The following SYCE1 variants were observed in gnomAD, a reference collection of about 807,000 sequenced individuals.
SYCE1 encodes cancer/testis antigen 76.
Under a neutral mutation model 55.1 loss-of-function variants are expected in SYCE1, and 37 were observed. The observed-to-expected ratio is 0.67, with a 90% CI of 0.52 to 0.88. The LOEUF (loss-of-function observed/expected upper bound fraction) is 0.88. Ranked by LOEUF, SYCE1 falls within the 40% of genes least tolerant of loss-of-function variation. SYCE1 has a pLI of 0.00. For synonymous variants in SYCE1, 163 were observed against 159.4 expected, an observed-to-expected ratio of 1.02 and a Z score of -0.17; for missense variants, 399 against 416.4, an observed-to-expected ratio of 0.96 and a Z score of 0.36.
chr10:133,565,816 A>AG (rs531882311), upstream of SYCE1, among the ~76,000 whole-genome samples: 248 of 152,342 alleles, frequency 1.6e-3, 2 homozygotes, highest in African/African-American at 5.6e-3. Flanking sequence ...CTGGCTTCCG[A>AG]GGGGACCGGC....
chr10:133,559,475 A>G (rs1851769193), intron 2 of SYCE1, 115 bp from the exon 3 acceptor site: 2 of 1,071,332 alleles, frequency 1.9e-6, no homozygotes, highest in Non-Finnish European at 2.8e-6. Context: ...TCCTGCAAGC[A>G]GGTGCTCTGT....
intron 1 of SYCE1, 51 bp downstream of exon 1, chr10:133,565,406 G>T: frequency 6.9e-7 from 1 of 1,459,588 alleles, no homozygotes; most frequent in Non-Finnish European, 9.1e-7. Context: ...ACCCTGCCCC[G>T]CCTCGGCGAG....
upstream of SYCE1, among the ~76,000 whole-genome samples, chr10:133,565,831 G>C (rs753680922): frequency 2.0e-5 from 3 of 152,368 alleles, no homozygotes; most frequent in Middle Eastern, 3.4e-3. Flanking sequence ...ACCGGCCCTG[G>C]TTCTGGAGGC....
Position 133,554,907 on chromosome 10 carries a change from AG to A in SYCE1, c.*84del, listed in dbSNP as rs1851614756. On this transcript the variant is annotated 3_prime_UTR_variant, in exon 13 of 13. Coordinates refer to ENST00000343131, the MANE Select transcript of SYCE1 (RefSeq NM_001143764.3). ...GTACCTCTGGCCCAGACCAAGAGGC[AG>A]AGTCAAGCCAAGGCTTCAATCAGTC... The A allele has an allele frequency of 2.0e-5, 30 of 1,466,792 alleles. No homozygotes were observed. The highest frequency in any genetic ancestry group is 2.7e-5 in the Non-Finnish European group (30 of 1,108,710). 90.9% of individuals were successfully genotyped at this position (1,466,792 alleles called of 1,614,324 possible). A position where few individuals can be genotyped will look rare whatever the true frequency, so the allele number is the denominator to read the frequency against.
In SYCE1 at chr10:133,565,582, T is replaced by C; in HGVS notation, c.-53A>G. 1 of 1,526,736 alleles carries C rather than the reference T, an allele frequency of 6.5e-7. No individual in the cohort carries two copies. The highest frequency in any genetic ancestry group is 8.8e-7 in the Non-Finnish European group (1 of 1,132,140). The allele number at this position is 1,526,736 out of a possible 1,614,324, so 94.6% of individuals were successfully genotyped here. On this transcript the variant is annotated 5_prime_UTR_variant, in exon 1 of 13. Transcript: ENST00000343131. The stretch of plus-strand genomic sequence containing the variant: ...CTCGGGAGGGAGCCTCCAGTGGTGA[T>C]TGGAGCAACCGCCGCTGGGGGCAGG...
chr10:133,556,060 A>G lies in SYCE1; in HGVS notation c.529-13T>C. On this transcript the variant is annotated splice_polypyrimidine_tract_variant and intron_variant, in intron 8 of 12. Coordinates refer to ENST00000343131, the MANE Select transcript of SYCE1 (RefSeq NM_001143764.3). ...GCCGCTCTGGCATCTGAGGGGCAGA[A>G]AAGAGGCCTGTCCACTCCTCTTGGC... 6.2e-7 allele frequency: 1 copy of G among 1,612,670 alleles called. No individual in the cohort carries two copies.
Position 133,558,216 on chromosome 10 carries a change from TA to T in SYCE1, c.272-3del. 1.2e-6 allele frequency: 2 copies of T among 1,614,174 alleles called. No homozygotes were observed. Among genetic ancestry groups the T allele is most frequent in the South Asian group, 2.2e-5 (2 of 91,084 alleles). ...TCAGGTGTACTTTCTCTCCATGCAC[TA>T]GAAAACAGTGACACATTTTGGCATC... On this transcript the variant is annotated splice_region_variant and splice_polypyrimidine_tract_variant and intron_variant, in intron 4 of 12. Coordinates refer to ENST00000343131, the MANE Select transcript of SYCE1 (RefSeq NM_001143764.3).
chr10:133,565,843 C>G (rs1564860049), upstream of SYCE1, among the ~76,000 whole-genome samples: 1 of 152,244 alleles, frequency 6.6e-6, no homozygotes, highest in African/African-American at 2.4e-5. Flanking sequence ...TCTGGAGGCC[C>G]TCCCCACCAA....
chr10:133,557,424 A>C (rs1851712801), intron 6 of SYCE1: 2 of 520,238 alleles, frequency 3.8e-6, no homozygotes, highest in Non-Finnish European at 3.4e-6. Flanking sequence ...CTGAAATCTC[A>C]GTGTGCCAGG....
intron 12 of SYCE1, 82 bp from the exon 13 acceptor site, chr10:133,555,211 G>T: frequency 6.5e-7 from 1 of 1,537,466 alleles, no homozygotes. Flanking sequence ...TCACCACCTT[G>T]GGTGGACCCA....
chr10:133,560,186 A>G (rs1451127491), intron 1 of SYCE1, 33 bp from the exon 2 acceptor site: 17 of 1,609,156 alleles, frequency 1.1e-5, no homozygotes, highest in Non-Finnish European at 1.4e-5. Flanking sequence ...TTCAGAATCA[A>G]GCAGGGCGAG....
At chr10:133,566,155 G>C (rs1226845799), upstream of SYCE1, among the ~76,000 whole-genome samples, 1 of 152,220 alleles carries the variant, frequency 6.6e-6, no homozygotes, top group Non-Finnish European at 1.5e-5. Context: ...TCCCTGCCGC[G>C]CTGGGGCCAC....
upstream of SYCE1, among the ~76,000 whole-genome samples, chr10:133,567,634 A>T (rs1481104938): frequency 6.6e-6 from 1 of 152,058 alleles, no homozygotes. Context: ...GGAGGGCCTG[A>T]TTCCTCAGGG....
At chr10:133,566,763 A>C (rs1360221421), upstream of SYCE1, among the ~76,000 whole-genome samples, 1 of 150,568 alleles carries the variant, frequency 6.6e-6, no homozygotes, top group East Asian at 2.0e-4. Flanking sequence ...GTTAGGGGTT[A>C]CAGTTTAGGG....
chr10:133,557,611 T>G, intron 6 of SYCE1: 2 of 571,160 alleles, frequency 3.5e-6, no homozygotes, highest in Non-Finnish European at 6.2e-6. Flanking sequence ...TGACAAAGAG[T>G]AAAAGGCAAA....
At chr10:133,558,554 C>T (rs1443304489) in intron 4 of SYCE1, 4 of 526,682 alleles carry the variant, frequency 7.6e-6, no homozygotes, top group Non-Finnish European at 1.4e-5. Flanking sequence ...AGGGTGCCAT[C>T]TTTAAATGGG....
chr10:133,567,936 GGAC>G, upstream of SYCE1: 1 of 551,862 alleles, frequency 1.8e-6, no homozygotes, highest in South Asian at 1.5e-5. Flanking sequence ...AGCATGGGCA[GGAC>G]GGTGGATGGC....
At chr10:133,565,060 T>C (rs1394609229) in intron 1 of SYCE1, among the ~76,000 whole-genome samples, 1 of 152,138 alleles carries the variant, frequency 6.6e-6, no homozygotes, top group Non-Finnish European at 1.5e-5. Context: ...AAGAACCAGT[T>C]TAGTGCGACT....
At chr10:133,556,849 G>A (rs1851696480) in intron 7 of SYCE1, 27 bp from the exon 8 acceptor site, 4 of 1,602,400 alleles carry the variant, frequency 2.5e-6, no homozygotes, top group Non-Finnish European at 2.6e-6. Context: ...GGCATGAGGG[G>A]ATATGGGCTG....
Sources: allele counts gnomAD v4.1 joint callset (sites outside exome capture counted in the v4.1 genomes callset), GRCh38; gene constraint gnomAD v4.1.1; transcripts MANE v1.5; gene names NCBI Gene and HGNC (gene_info 2026-07-23, HGNC 2026-07-21).